Variants in TRHDE observed in about 807,000 individuals in gnomAD.
TRHDE encodes thyrotropin-releasing hormone-degrading ectoenzyme.
In TRHDE, 72 loss-of-function variants were observed where a neutral mutation model predicts 125.7. The ratio of observed to expected loss-of-function variants is 0.57; its 90% CI spans 0.47 to 0.70. TRHDE has a LOEUF of 0.70. TRHDE is among the 30% of genes least tolerant of loss of function. The pLI is 0.00. For missense variants in TRHDE, 1,110 were observed against 1,327.1 expected (o/e 0.84, Z 2.54); for synonymous variants, 509 against 509.1 (o/e 1.00, Z 0.00).
At chr12:72,203,326 C>G (rs112169001) in intron 2 of TRHDE, among the ~76,000 whole-genome samples, 1 of 152,068 alleles carries the variant, frequency 6.6e-6, no homozygotes, top group African/African-American at 2.4e-5. Context: ...AAATTAGCCG[C>G]GCGTGGTGGC....
At chr12:72,450,521 A>G (rs180913438) in intron 3 of TRHDE, among the ~76,000 whole-genome samples, 8 of 152,162 alleles carry the variant, frequency 5.3e-5, no homozygotes, top group Admixed American at 5.2e-4. Context: ...TGCTTTACCT[A>G]CCTCACATAC....
chr12:72,273,004 G>A lies in TRHDE; in HGVS notation c.361G>A (p.Ala121Thr), dbSNP rs1416794100. Residue 121 changes from alanine (A) to threonine (T), a missense_variant, in exon 1 of 19, where the codon GCC (alanine) becomes ACC (threonine). Around this residue, in one of 5 missense-constraint regions of TRHDE, gnomAD observed 248 missense variants for 240.8 expected, o/e 1.03. Coordinates refer to ENST00000261180, the MANE Select transcript of TRHDE (RefSeq NM_013381.3). This position sits in a 1 kb window ranked among gnomAD's most constrained non-coding sequence, Gnocchi z 5.3. ...DECGASATPG[A>T]DGGPSGFPER... is the part of the protein sequence containing the mutation. ...GTGCGGGGCGAGTGCCACGCCAGGC[G>A]CCGACGGTGGCCCCTCAGGCTTTCC... 3 of 1,543,936 alleles carry A rather than the reference G, an allele frequency of 1.9e-6. No homozygotes were observed. The South Asian group carries it at 3.5e-5, about 18-fold the overall frequency.
chr12:72,428,234 T>G (rs560547718), intron 3 of TRHDE, among the ~76,000 whole-genome samples: 1 of 152,268 alleles, frequency 6.6e-6, no homozygotes, highest in East Asian at 1.9e-4. Context: ...AAGAAATGTA[T>G]CTACATAATG....
chr12:72,213,612 A>G (rs1877828986), intron 2 of TRHDE, among the ~76,000 whole-genome samples: 1 of 152,190 alleles, frequency 6.6e-6, no homozygotes, highest in South Asian at 2.1e-4. Flanking sequence ...GCCATTGGTT[A>G]TATTACACCT....
intron 2 of TRHDE, among the ~76,000 whole-genome samples, chr12:72,187,800 G>A (rs1039951274): frequency 6.6e-6 from 1 of 152,154 alleles, no homozygotes; most frequent in Non-Finnish European, 1.5e-5. Flanking sequence ...ACTTCTGAGA[G>A]GCAGAACTGG....
chr12:72,102,390 A>T (rs2139289854), intron 1 of TRHDE, among the ~76,000 whole-genome samples: 1 of 152,322 alleles, frequency 6.6e-6, no homozygotes, highest in South Asian at 2.1e-4. Flanking sequence ...CAGGACACAG[A>T]GAAATGCCAG....
intron 6 of TRHDE, among the ~76,000 whole-genome samples, chr12:72,501,793 T>C (rs936411150): frequency 6.6e-6 from 1 of 152,112 alleles, no homozygotes; most frequent in African/African-American, 2.4e-5. Context: ...AATTTACCAG[T>C]ATAGCAGTAG....
At chr12:72,335,957 A>G (rs989054503) in intron 2 of TRHDE, among the ~76,000 whole-genome samples, 8 of 152,216 alleles carry the variant, frequency 5.3e-5, no homozygotes, top group Non-Finnish European at 1.2e-4. Context: ...TTAACACATT[A>G]AAAAAAGTAA....
At chr12:72,396,380 T>C (rs1002771416) in intron 3 of TRHDE, among the ~76,000 whole-genome samples, 5 of 152,178 alleles carry the variant, frequency 3.3e-5, no homozygotes, top group African/African-American at 4.8e-5. Flanking sequence ...TGCTGTGTAA[T>C]GGTCAGCTAA....
At chr12:72,473,532 G>A (rs1171319628) in intron 5 of TRHDE, among the ~76,000 whole-genome samples, 1 of 151,682 alleles carries the variant, frequency 6.6e-6, no homozygotes, top group East Asian at 1.9e-4. Context: ...AGAAAAATGA[G>A]GACTTGACAT....
In TRHDE at chr12:72,652,972, T is replaced by C. The variant is rs7961493; in HGVS notation, c.2844-44T>C. ...ATTTTAGTAAGATTATAAAAATGTT[T>C]AAGTTATTGGACTAAAAATTTTTAC... On this transcript the variant is annotated intron_variant, in intron 16 of 18. Coordinates refer to ENST00000261180, the MANE Select transcript of TRHDE (RefSeq NM_013381.3). 1.8e-4 allele frequency: 281 copies of C among 1,535,532 alleles called. 2 individuals are homozygous for C. The African/African-American group carries it at 3.3e-3, about 18-fold the overall frequency.
At chr12:72,154,888 C>G (rs1876465450) in intron 2 of TRHDE, among the ~76,000 whole-genome samples, 1 of 152,128 alleles carries the variant, frequency 6.6e-6, no homozygotes, top group Non-Finnish European at 1.5e-5. Context: ...TTGCTCTTCT[C>G]TAGGAGTATC....
chr12:72,158,870 A>G (rs1876575200), intron 2 of TRHDE, among the ~76,000 whole-genome samples: 1 of 152,174 alleles, frequency 6.6e-6, no homozygotes. Flanking sequence ...CTTATTCACC[A>G]TTCCTTGAAT....
At chr12:72,454,119 G>A (rs146146125) in intron 3 of TRHDE, among the ~76,000 whole-genome samples, 103 of 152,122 alleles carry the variant, frequency 6.8e-4, no homozygotes, top group Admixed American at 9.8e-4. Flanking sequence ...GCACATATGC[G>A]TGTAGAGTGA....
chr12:72,515,564 C>T (rs1308731833), intron 6 of TRHDE, among the ~76,000 whole-genome samples: 8 of 152,076 alleles, frequency 5.3e-5, no homozygotes, highest in Admixed American at 1.3e-4. Context: ...GAGTAGGTTG[C>T]GAAAATTTTC....
chr12:72,180,448 C>T (rs1877074034), intron 2 of TRHDE, among the ~76,000 whole-genome samples: 1 of 152,000 alleles, frequency 6.6e-6, no homozygotes, highest in African/African-American at 2.4e-5. Context: ...AGTGCCAGCC[C>T]CTTTAGGCAT....
chr12:72,656,766 C>T (rs74105958), intron 17 of TRHDE, among the ~76,000 whole-genome samples, 161 bp from the exon 18 acceptor site: 3,927 of 152,198 alleles, frequency 0.026, 172 homozygotes, highest in African/African-American at 0.09. Flanking sequence ...CTTTGTCCCT[C>T]CCTGACTCCC....
At chr12:72,342,733 T>C (rs1173703793) in intron 2 of TRHDE, among the ~76,000 whole-genome samples, 2 of 152,144 alleles carry the variant, frequency 1.3e-5, no homozygotes, top group African/African-American at 4.8e-5. Flanking sequence ...AACACATTCA[T>C]TGATTTTCTT....
chr12:72,369,741 G>A (rs1050770049), intron 2 of TRHDE, among the ~76,000 whole-genome samples: 3 of 152,036 alleles, frequency 2.0e-5, no homozygotes, highest in Admixed American at 6.6e-5. Flanking sequence ...CCTTTCCACC[G>A]GACTAAATGT....
Sources: allele counts gnomAD v4.1 joint callset (sites outside exome capture counted in the v4.1 genomes callset), GRCh38; gene constraint gnomAD v4.1.1; regional missense constraint gnomAD v4.1.1; non-coding constraint Gnocchi (gnomAD v3.1); transcripts MANE v1.5; gene names NCBI Gene and HGNC (gene_info 2026-07-23, HGNC 2026-07-21).